The following DLGAP1 variants were observed in gnomAD, a reference collection of about 807,000 sequenced individuals.
DLGAP1 encodes DLG associated protein 1.
DLGAP1 carries 11 observed loss-of-function variants against 90.8 expected under a neutral mutation model. The observed-to-expected ratio is 0.12, with a 90% CI of 0.08 to 0.20. DLGAP1 has a LOEUF of 0.20. DLGAP1 is among the 10% of genes least tolerant of loss of function. The pLI, the probability that DLGAP1 is intolerant of heterozygous loss-of-function variation, is 1.00. For synonymous variants in DLGAP1, 558 were observed against 540.7 expected, an observed-to-expected ratio of 1.03 and a Z score of -0.44; for missense variants, 1,050 against 1,333.8, an observed-to-expected ratio of 0.79 and a Z score of 3.31.
At chr18:3,852,733 C>T (rs1034097754) in intron 4 of DLGAP1, among the ~76,000 whole-genome samples, 4 of 152,046 alleles carry the variant, frequency 2.6e-5, no homozygotes, top group African/African-American at 9.7e-5. Context: ...AATACCTTTT[C>T]TGCATATATT....
At chr18:3,610,560 G>C (rs9966731) in intron 7 of DLGAP1, among the ~76,000 whole-genome samples, 2,782 of 152,060 alleles carry the variant, frequency 0.018, 77 homozygotes, top group African/African-American at 0.063. Flanking sequence ...CTCAGCCAGG[G>C]GCAGTAGCTC....
chr18:3,963,421 G>A (rs1310165342), intron 3 of DLGAP1, among the ~76,000 whole-genome samples: 3 of 152,102 alleles, frequency 2.0e-5, no homozygotes, highest in Non-Finnish European at 4.4e-5. Flanking sequence ...TGAGGATGAG[G>A]TGCCCAGGCT....
intron 2 of DLGAP1, among the ~76,000 whole-genome samples, chr18:4,137,079 T>C (rs1239853283): frequency 6.6e-6 from 1 of 151,812 alleles, no homozygotes; most frequent in African/African-American, 2.4e-5. Context: ...GGCCCCAGTG[T>C]GTGATGTTCC....
At chr18:4,238,100 A>T (rs2078456921) in intron 1 of DLGAP1, among the ~76,000 whole-genome samples, 2 of 152,158 alleles carry the variant, frequency 1.3e-5, no homozygotes, top group South Asian at 2.1e-4. Flanking sequence ...ATTTTGGAGC[A>T]TTTTAGATGT....
intron 3 of DLGAP1, among the ~76,000 whole-genome samples, chr18:3,968,505 A>G (rs1263728002): frequency 1.3e-5 from 2 of 152,220 alleles, no homozygotes; most frequent in African/African-American, 4.8e-5. Context: ...AAGTTACTGA[A>G]AAACATATTT....
At chr18:4,338,749 G>C (rs2081126315) in intron 1 of DLGAP1, among the ~76,000 whole-genome samples, 1 of 152,216 alleles carries the variant, frequency 6.6e-6, no homozygotes, top group African/African-American at 2.4e-5. Flanking sequence ...AGATTGAGAA[G>C]TATAATTGCA....
At chr18:3,743,083 T>C (rs1405226403) in intron 5 of DLGAP1, among the ~76,000 whole-genome samples, 2 of 152,120 alleles carry the variant, frequency 1.3e-5, no homozygotes, top group African/African-American at 4.8e-5. Context: ...TCAATCTTTA[T>C]ATGTAAAGAC....
intron 5 of DLGAP1, among the ~76,000 whole-genome samples, chr18:3,764,887 G>A (rs1011459772): frequency 5.3e-5 from 8 of 152,174 alleles, no homozygotes; most frequent in South Asian, 4.1e-4. Context: ...GGTGAGTGGC[G>A]TCAACTTTGT....
intron 1 of DLGAP1, among the ~76,000 whole-genome samples, chr18:4,364,779 T>C (rs2081722922): frequency 6.6e-6 from 1 of 152,210 alleles, no homozygotes; most frequent in Non-Finnish European, 1.5e-5. Flanking sequence ...TCTAACTTTT[T>C]GATGTGGGCA....
chr18:3,650,322 T>C (rs570242030), intron 7 of DLGAP1, among the ~76,000 whole-genome samples: 10 of 152,150 alleles, frequency 6.6e-5, no homozygotes, highest in African/African-American at 2.2e-4. Context: ...GGGATTACAG[T>C]TGTGAGTCAC....
At chr18:4,442,720 A>C (rs1204460961) in intron 1 of DLGAP1, among the ~76,000 whole-genome samples, 1 of 152,250 alleles carries the variant, frequency 6.6e-6, no homozygotes, top group Non-Finnish European at 1.5e-5. Context: ...CTCATATACC[A>C]GGAATCTATC....
intron 5 of DLGAP1, among the ~76,000 whole-genome samples, chr18:3,792,537 T>C (rs147066390): frequency 5.5e-4 from 83 of 152,278 alleles, no homozygotes; most frequent in African/African-American, 2.0e-3. Flanking sequence ...GATGGAAACT[T>C]TGACCTCTTA....
chr18:3,870,044 A>G (rs2070647419), intron 4 of DLGAP1, among the ~76,000 whole-genome samples: 1 of 152,200 alleles, frequency 6.6e-6, no homozygotes, highest in African/African-American at 2.4e-5. Flanking sequence ...CCATATTTTC[A>G]TCTATTAGGC....
chr18:3,651,188 C>T (rs959355573), intron 7 of DLGAP1, among the ~76,000 whole-genome samples: 1 of 151,380 alleles, frequency 6.6e-6, no homozygotes, highest in Non-Finnish European at 1.5e-5. Flanking sequence ...GTGAAACCCC[C>T]TCTCTACTAA....
chr18:4,163,416 G>T (rs1460065272), intron 1 of DLGAP1, among the ~76,000 whole-genome samples: 1 of 152,222 alleles, frequency 6.6e-6, no homozygotes, highest in African/African-American at 2.4e-5. Flanking sequence ...AGACGGCCCA[G>T]TGAGGAAAAG....
chr18:3,939,270 T>A (rs1254094620), intron 3 of DLGAP1, among the ~76,000 whole-genome samples: 1 of 151,312 alleles, frequency 6.6e-6, no homozygotes. Flanking sequence ...AATACGAAAG[T>A]TAGCCCTGTG....
At chr18:3,872,965 A>G (rs1344520263) in intron 4 of DLGAP1, among the ~76,000 whole-genome samples, 1 of 152,218 alleles carries the variant, frequency 6.6e-6, no homozygotes, top group African/African-American at 2.4e-5. Flanking sequence ...TGTTACAGGC[A>G]GAAACCTCTG....
chr18:3,999,437 C>G (rs1599297938), intron 3 of DLGAP1, among the ~76,000 whole-genome samples: 3 of 152,064 alleles, frequency 2.0e-5, no homozygotes, highest in Admixed American at 2.0e-4. Context: ...ATATTTGTTA[C>G]ATGTATTTCT....
intron 2 of DLGAP1, among the ~76,000 whole-genome samples, chr18:4,102,028 A>G (rs965429795): frequency 1.3e-5 from 2 of 152,102 alleles, no homozygotes; most frequent in East Asian, 1.9e-4. Flanking sequence ...GCATTAAAGC[A>G]GTCTTCTGTG....
Sources: gnomAD v4.1 joint callset for allele counts (sites outside exome capture counted in the v4.1 genomes callset) on GRCh38, gnomAD v4.1.1 for gene constraint, MANE v1.5 for transcripts, NCBI Gene and HGNC (gene_info 2026-07-23, HGNC 2026-07-21) for gene names.